Variants in FGF12 observed in about 807,000 individuals in gnomAD.
The protein encoded by FGF12 is fibroblast growth factor 12, also known as fibroblast growth factor 12B.
A neutral mutation model predicts 23.6 loss-of-function variants in FGF12; 14 were observed. That is an observed-to-expected ratio of 0.59 (90% confidence interval 0.39 to 0.93). The LOEUF is 0.93. Among genes scored for constraint, FGF12 ranks in the 40% least tolerant of loss-of-function variants. The pLI, the probability that FGF12 is intolerant of heterozygous loss-of-function variation, is 0.00. For missense variants in FGF12, 175 were observed against 217.8 expected, an observed-to-expected ratio of 0.80 and a Z score of 1.24; for synonymous variants, 62 against 77.3, an observed-to-expected ratio of 0.80 and a Z score of 1.04.
chr3:192,547,815 T>C (rs970329178), intron 2 of FGF12, among the ~76,000 whole-genome samples: 8 of 152,202 alleles, frequency 5.3e-5, no homozygotes, highest in Non-Finnish European at 1.2e-4. Context: ...AAAATTATCA[T>C]TTTCTTCTCT....
intron 2 of FGF12, among the ~76,000 whole-genome samples, chr3:192,519,437 T>C (rs1414653473): frequency 2.0e-5 from 3 of 152,222 alleles, no homozygotes; most frequent in African/African-American, 7.2e-5. Context: ...CTTCTTAGTA[T>C]ATCATTATGG....
intron 2 of FGF12, among the ~76,000 whole-genome samples, chr3:192,439,995 A>G (rs942491755): frequency 6.7e-6 from 1 of 149,086 alleles, no homozygotes; most frequent in Non-Finnish European, 1.5e-5. Context: ...AAAAAAAAGC[A>G]TAATATAAGG....
intron 2 of FGF12, among the ~76,000 whole-genome samples, chr3:192,517,778 G>GT: frequency 6.6e-6 from 1 of 152,224 alleles, no homozygotes; most frequent in Non-Finnish European, 1.5e-5. Flanking sequence ...TACTTAGACA[G>GT]TTTTTTATTT....
chr3:192,262,302 T>C (rs1389091214), intron 4 of FGF12, among the ~76,000 whole-genome samples: 1 of 152,186 alleles, frequency 6.6e-6, no homozygotes, highest in East Asian at 1.9e-4. Flanking sequence ...TTTTGTTAAA[T>C]TTCTTGTAAG....
chr3:192,531,815 T>A (rs771800957), intron 2 of FGF12, among the ~76,000 whole-genome samples: 3 of 152,214 alleles, frequency 2.0e-5, no homozygotes, highest in Non-Finnish European at 4.4e-5. Context: ...AAGTAGCTTT[T>A]GCTTAGGAGG....
chr3:192,430,376 GA>G (rs1412901521), intron 2 of FGF12, among the ~76,000 whole-genome samples: 1 of 152,146 alleles, frequency 6.6e-6, no homozygotes, highest in African/African-American at 2.4e-5. Flanking sequence ...GGAAAATGGG[GA>G]ATAGCTGTTC....
chr3:192,505,606 A>T (rs954740853), intron 2 of FGF12, among the ~76,000 whole-genome samples: 46 of 152,316 alleles, frequency 3.0e-4, no homozygotes, highest in African/African-American at 1.0e-3. Context: ...TCATCAGAAA[A>T]CTGCATAATC....
At chr3:192,306,289 T>C (rs1246724003) in intron 4 of FGF12, among the ~76,000 whole-genome samples, 2 of 152,186 alleles carry the variant, frequency 1.3e-5, no homozygotes, top group Non-Finnish European at 2.9e-5. Context: ...CCATCCATTA[T>C]GGACGCTCTA....
At chr3:192,588,406 A>T (rs1245679456) in intron 2 of FGF12, among the ~76,000 whole-genome samples, 1 of 151,228 alleles carries the variant, frequency 6.6e-6, no homozygotes, top group Non-Finnish European at 1.5e-5. Context: ...TGGATAAAAA[A>T]TTAAATAAAA....
Position 192,407,994 on chromosome 3 carries a change from T to C in FGF12, c.14-47456A>G, listed in dbSNP as rs200863789. The C allele has an allele frequency of 2.2e-5, 34 of 1,579,798 alleles. No individual in the cohort carries two copies. In the Middle Eastern group the frequency reaches 5.2e-4, roughly 24 times the overall value. ...GGAGGGAGAAAGAGGGCGTCCCCTCTGGGGAGCCCACTCTCCGGGCTTCTA... is the reference window on the plus strand; with the variant it reads ...GGAGGGAGAAAGAGGGCGTCCCCTCCGGGGAGCCCACTCTCCGGGCTTCTA... On this transcript the variant is annotated intron_variant, in intron 2 of 5. Transcript: ENST00000445105.
chr3:192,710,337 T>C (rs1718623689), intron 2 of FGF12, among the ~76,000 whole-genome samples: 1 of 152,254 alleles, frequency 6.6e-6, no homozygotes, highest in African/African-American at 2.4e-5. Context: ...CACTGGCTTT[T>C]ACTTTCATTC....
intron 2 of FGF12, among the ~76,000 whole-genome samples, chr3:192,520,227 G>C (rs1022819917): frequency 2.6e-5 from 4 of 151,828 alleles, no homozygotes; most frequent in Admixed American, 6.6e-5. Flanking sequence ...ATATCATGTA[G>C]AGCTAGAGAT....
chr3:192,625,322 T>G (rs1362409906), intron 2 of FGF12, among the ~76,000 whole-genome samples: 1 of 152,108 alleles, frequency 6.6e-6, no homozygotes, highest in East Asian at 1.9e-4. Context: ...ACTGAGTCAA[T>G]AGAGTGTGTT....
chr3:192,591,340 A>C (rs1001471806), intron 2 of FGF12, among the ~76,000 whole-genome samples: 1 of 151,570 alleles, frequency 6.6e-6, no homozygotes, highest in Non-Finnish European at 1.5e-5. Context: ...ATCATGAGAG[A>C]ATCTTTCACT....
intron 5 of FGF12, among the ~76,000 whole-genome samples, chr3:192,158,352 T>TTC (rs1714577974): frequency 1.1e-5 from 1 of 94,984 alleles, no homozygotes; most frequent in Admixed American, 1.1e-4. Flanking sequence ...CTTTCTTTCT[T>TTC]TCTTTCTTTC....
At chr3:192,584,201 T>G (rs1396335945) in intron 2 of FGF12, among the ~76,000 whole-genome samples, 3 of 152,216 alleles carry the variant, frequency 2.0e-5, no homozygotes, top group Non-Finnish European at 4.4e-5. Context: ...TTGATACCTT[T>G]GTTAACCTTT....
chr3:192,396,864 C>T (rs943578587), intron 2 of FGF12, among the ~76,000 whole-genome samples: 8 of 152,142 alleles, frequency 5.3e-5, no homozygotes, highest in African/African-American at 1.7e-4. Flanking sequence ...AATTGCTGAG[C>T]ATGAAAAAGA....
chr3:192,632,197 C>A (rs1715414349), intron 2 of FGF12, among the ~76,000 whole-genome samples: 1 of 152,138 alleles, frequency 6.6e-6, no homozygotes, highest in Non-Finnish European at 1.5e-5. Flanking sequence ...GTGTGACTTT[C>A]CTAAGAGAGG....
chr3:192,224,400 G>A (rs1030491698), intron 4 of FGF12, among the ~76,000 whole-genome samples: 2 of 151,968 alleles, frequency 1.3e-5, no homozygotes, highest in African/African-American at 4.8e-5. Flanking sequence ...GTTTTATATA[G>A]TAAATAAAAA....
Sources: allele counts gnomAD v4.1 joint callset (sites outside exome capture counted in the v4.1 genomes callset), GRCh38; gene constraint gnomAD v4.1.1; transcripts MANE v1.5; gene names NCBI Gene and HGNC (gene_info 2026-07-23, HGNC 2026-07-21).